Variants in ATP10B observed in about 807,000 individuals in gnomAD.
ATP10B encodes ATPase phospholipid transporting 10B (putative).
Under a neutral mutation model 141.2 loss-of-function variants are expected in ATP10B, and 122 were observed. That is an observed-to-expected ratio of 0.86 (90% CI 0.75 to 1.00). The LOEUF is 1.00. Ranked by LOEUF, ATP10B falls within the 50% of genes least tolerant of loss-of-function variation. The probability of loss-of-function intolerance (pLI) is 0.00; values close to 1 mark genes in which losing one functional copy is unlikely to be tolerated. For synonymous variants in ATP10B, 685 were observed against 692.0 expected (o/e 0.99, Z 0.16); for missense variants, 1,876 against 1,825.3 (o/e 1.03, Z -0.51).
chr5:160,910,299 C>T, the ATP10B span, among the ~76,000 whole-genome samples: 14 of 152,258 alleles, frequency 9.2e-5, no homozygotes, highest in East Asian at 1.2e-3. Flanking sequence ...CAGTCCTCCC[C>T]GGTACTACTA....
chr5:160,806,060 C>T (rs1475704262), intron 1 of ATP10B, among the ~76,000 whole-genome samples: 1 of 152,150 alleles, frequency 6.6e-6, no homozygotes, highest in Non-Finnish European at 1.5e-5. Context: ...CCTTCCTCCA[C>T]TTTTGTGTTC....
chr5:160,809,004 A>G (rs1772969185), intron 1 of ATP10B, among the ~76,000 whole-genome samples: 1 of 152,090 alleles, frequency 6.6e-6, no homozygotes, highest in African/African-American at 2.4e-5. Flanking sequence ...TCACCCCAAT[A>G]TCTGCTTTCA....
chr5:160,785,105 C>A (rs923139803), intron 2 of ATP10B, among the ~76,000 whole-genome samples: 1 of 152,070 alleles, frequency 6.6e-6, no homozygotes, highest in African/African-American at 2.4e-5. Context: ...ATGAAAGAGA[C>A]AACCCACTGA....
chr5:160,708,890 T>G (rs1765180659), intron 3 of ATP10B, among the ~76,000 whole-genome samples: 3 of 152,090 alleles, frequency 2.0e-5, no homozygotes, highest in Non-Finnish European at 2.9e-5. Context: ...CCTTAGAGAC[T>G]GAGATTCAGA....
chr5:160,913,961 A>G, the ATP10B span, among the ~76,000 whole-genome samples: 1 of 152,228 alleles, frequency 6.6e-6, no homozygotes, highest in Non-Finnish European at 1.5e-5. Context: ...ATACGAAAGT[A>G]GATTGTCCTT....
At chr5:160,591,308 C>T (rs1756278305) in intron 22 of ATP10B, among the ~76,000 whole-genome samples, 169 bp from the exon 23 acceptor site, 3 of 150,872 alleles carry the variant, frequency 2.0e-5, no homozygotes, top group Admixed American at 1.3e-4. Flanking sequence ...GGGTGACAGA[C>T]TTCAGTTCAA....
At chr5:160,686,704 G>A (rs767104307) in intron 5 of ATP10B, among the ~76,000 whole-genome samples, 35 of 151,054 alleles carry the variant, frequency 2.3e-4, no homozygotes, top group Non-Finnish European at 3.2e-4. Context: ...TTATTTACTC[G>A]TTGTGTGATT....
chr5:160,647,426 C>G, intron 8 of ATP10B, among the ~76,000 whole-genome samples: 1 of 152,064 alleles, frequency 6.6e-6, no homozygotes, highest in South Asian at 2.1e-4. Flanking sequence ...TCCATGAGGC[C>G]CAGTCATGTG....
chr5:160,766,371 C>CAT (rs1769422230), intron 2 of ATP10B, among the ~76,000 whole-genome samples: 1 of 146,384 alleles, frequency 6.8e-6, no homozygotes, highest in Non-Finnish European at 1.5e-5. Context: ...CACACACACA[C>CAT]ACACACACAC....
the ATP10B span, among the ~76,000 whole-genome samples, chr5:160,917,729 C>A: frequency 6.6e-6 from 1 of 152,160 alleles, no homozygotes; most frequent in African/African-American, 2.4e-5. Context: ...GCAGACAGAA[C>A]ATGTCTGGGG....
At chr5:160,860,514 C>T in the ATP10B span, among the ~76,000 whole-genome samples, 1 of 151,708 alleles carries the variant, frequency 6.6e-6, no homozygotes, top group Admixed American at 6.6e-5. Flanking sequence ...ATCTCCTACA[C>T]CAATTAATTT....
intron 7 of ATP10B, among the ~76,000 whole-genome samples, chr5:160,665,456 T>C (rs1762266417): frequency 1.3e-5 from 2 of 152,218 alleles, no homozygotes. Context: ...AAAATAATTC[T>C]TAGGTTAAAT....
chr5:160,802,701 A>C (rs1436071716), intron 1 of ATP10B, among the ~76,000 whole-genome samples: 1 of 152,176 alleles, frequency 6.6e-6, no homozygotes, highest in Non-Finnish European at 1.5e-5. Flanking sequence ...TCCAGCCTAA[A>C]GTTAGTTGCT....
intron 2 of ATP10B, among the ~76,000 whole-genome samples, chr5:160,755,536 C>A (rs1375682626): frequency 6.6e-6 from 1 of 150,860 alleles, no homozygotes; most frequent in Non-Finnish European, 1.5e-5. Flanking sequence ...ATATTATAGT[C>A]CGGGCGCGGT....
intron 11 of ATP10B, among the ~76,000 whole-genome samples, chr5:160,635,912 C>T (rs1041905550): frequency 6.6e-6 from 1 of 152,186 alleles, no homozygotes; most frequent in Non-Finnish European, 1.5e-5. Flanking sequence ...ACATATGGGT[C>T]ACTGCTGTCA....
rs374835576 is a variant in ATP10B, at chr5:160,635,177, G to A, written c.1129-571C>T. Among the ~76,000 whole-genome samples, 3 of 152,340 alleles carry A rather than the reference G, an allele frequency of 2.0e-5. No individual in the cohort carries two copies. In the East Asian group the frequency reaches 5.8e-4, roughly 29 times the overall value. On this transcript the variant is annotated intron_variant, in intron 11 of 25. Transcript: ENST00000327245. Reference sequence around the variant, plus strand: ...AGAGGGTAGACTGATGGCTGGGTGGGATGCTTGTAAACCATGACCTTTGAA... The same window carrying A: ...AGAGGGTAGACTGATGGCTGGGTGGAATGCTTGTAAACCATGACCTTTGAA...
intron 25 of ATP10B, among the ~76,000 whole-genome samples, chr5:160,568,114 G>A (rs545475780): frequency 8.5e-5 from 13 of 152,206 alleles, no homozygotes; most frequent in South Asian, 2.1e-4. Context: ...GGGTGGTGCC[G>A]GTGATAGAGG....
intron 3 of ATP10B, among the ~76,000 whole-genome samples, chr5:160,693,906 T>G (rs72818548): frequency 0.24 from 35,798 of 152,190 alleles, 5,093 homozygotes; most frequent in East Asian, 0.69. Flanking sequence ...TGGACTGCTA[T>G]GGGCCCGTGG....
intron 21 of ATP10B, among the ~76,000 whole-genome samples, chr5:160,601,405 G>A (rs1288507445): frequency 6.6e-6 from 1 of 152,114 alleles, no homozygotes; most frequent in African/African-American, 2.4e-5. Flanking sequence ...CAAATTGTTT[G>A]GAAATCTTGG....
Sources: allele counts gnomAD v4.1 joint callset (sites outside exome capture counted in the v4.1 genomes callset), GRCh38; gene constraint gnomAD v4.1.1; transcripts MANE v1.5; gene names NCBI Gene and HGNC (gene_info 2026-07-23, HGNC 2026-07-21).